ANAPC11: variants seen among roughly 807,000 people sequenced by gnomAD.
The protein encoded by ANAPC11 is anaphase promoting complex subunit 11.
Under a neutral mutation model 11.8 loss-of-function variants are expected in ANAPC11, and 5 were observed. The observed-to-expected ratio is 0.42, with a 90% CI of 0.22 to 0.89. The LOEUF is 0.89. Among genes scored for constraint, ANAPC11 ranks in the 40% least tolerant of loss-of-function variants. ANAPC11 has a pLI of 0.28. For missense variants in ANAPC11, 68 were observed against 112.9 expected, an observed-to-expected ratio of 0.60 and a Z score of 1.80; for synonymous variants, 45 against 41.0, an observed-to-expected ratio of 1.10 and a Z score of -0.38.
chr17:81,893,383 C>T (rs573264693), intron 1 of ANAPC11, among the ~76,000 whole-genome samples, 169 bp from the exon 2 acceptor site: 6 of 152,066 alleles, frequency 3.9e-5, no homozygotes, highest in Middle Eastern at 3.4e-3. Context: ...TGAGCCACTA[C>T]GCCTGGCCTC....
rs745307729 is a variant in ANAPC11 at position 81,894,602 on chromosome 17, A to G, written c.109+16A>G. The G allele has an allele frequency of 1.3e-5, 21 of 1,574,042 alleles. No homozygotes were observed. In the African/African-American group the frequency reaches 2.3e-4, roughly 17 times the overall value. On this transcript the variant is annotated intron_variant, in intron 3 of 3. Coordinates refer to ENST00000344877, the MANE Select transcript of ANAPC11 (RefSeq NM_001002248.3). ...TGCCCTGACTGTGAGTGTCCCCTCC[A>G]TGCTGTCTGAGCGGCCCCGACTGTG...
chr17:81,891,646 C>A (rs1335907743), upstream of ANAPC11: 7 of 1,292,720 alleles, frequency 5.4e-6, no homozygotes, highest in African/African-American at 6.4e-5. Flanking sequence ...CCTTCCGGTG[C>A]CACGGCCTCG....
At chr17:81,893,978 T>TA (rs1416913732) in intron 2 of ANAPC11, among the ~76,000 whole-genome samples, 1 of 151,790 alleles carries the variant, frequency 6.6e-6, no homozygotes, top group East Asian at 1.9e-4. Flanking sequence ...TTATTTGTTT[T>TA]AATAGAAACG....
chr17:81,900,417 C>T (rs181730346), downstream of ANAPC11: 7 of 335,862 alleles, frequency 2.1e-5, no homozygotes, highest in African/African-American at 4.4e-5. Flanking sequence ...ACGGTAGAGC[C>T]TGGGGCATGC....
intron 3 of ANAPC11, chr17:81,894,947 A>C (rs1598298967): frequency 4.9e-6 from 1 of 204,194 alleles, no homozygotes; most frequent in Non-Finnish European, 9.6e-6. Flanking sequence ...TGAACTCCTG[A>C]CCTCAGGTGA....
At chr17:81,894,287 G>A in intron 2 of ANAPC11, 180 bp from the exon 3 acceptor site, 4 of 396,498 alleles carry the variant, frequency 1.0e-5, no homozygotes, top group South Asian at 1.2e-4. Flanking sequence ...AAATAAAATA[G>A]AAACAGGGCT....
chr17:81,891,445 C>A, upstream of ANAPC11: 1 of 1,022,114 alleles, frequency 9.8e-7, no homozygotes, highest in South Asian at 4.4e-5. Context: ...GCCCCACCGC[C>A]GCGGCCGCCC....
chr17:81,900,227 T>C lies in ANAPC11; in HGVS notation c.*162T>C. The C allele has an allele frequency of 1.7e-6, 2 of 1,158,772 alleles. No individual in the cohort carries two copies. Among genetic ancestry groups the C allele is most frequent in the Non-Finnish European group, 2.4e-6 (2 of 829,378 alleles). 71.8% of individuals were successfully genotyped at this position (1,158,772 alleles called of 1,614,324 possible). Reference sequence around the variant, plus strand: ...TATGTTGACACTTTTATCCAATAAGTGAAAACTCATTAAACTACTCAAATC... The same window carrying C: ...TATGTTGACACTTTTATCCAATAAGCGAAAACTCATTAAACTACTCAAATC... On this transcript the variant is annotated 3_prime_UTR_variant, in exon 4 of 4. Transcript: ENST00000344877.
intron 3 of ANAPC11, chr17:81,899,594 G>A (rs942367381): frequency 6.4e-7 from 1 of 1,570,196 alleles, no homozygotes; most frequent in East Asian, 2.3e-5. Context: ...CACAGGGTGG[G>A]CTAGGCCAGA....
At chr17:81,898,970 T>C in intron 3 of ANAPC11, 1 of 537,368 alleles carries the variant, frequency 1.9e-6, no homozygotes, top group Non-Finnish European at 3.3e-6. Flanking sequence ...AGGGCCGATA[T>C]CAAGCAGAGT....
chr17:81,899,871 T>C (rs564392840), intron 3 of ANAPC11, 49 bp from the exon 4 acceptor site: 2 of 1,569,634 alleles, frequency 1.3e-6, no homozygotes, highest in African/African-American at 1.3e-5. Flanking sequence ...TCACATGCTC[T>C]GTGTCCAGCC....
chr17:81,891,890 C>T (rs1407038308), intron 1 of ANAPC11, 49 bp downstream of exon 1: 3 of 184,798 alleles, frequency 1.6e-5, no homozygotes, highest in African/African-American at 2.4e-5. Context: ...GGTGGGGCGG[C>T]GGCCGTTGGA....
chr17:81,898,620 C>G (rs904645150), intron 3 of ANAPC11: 1 of 152,498 alleles, frequency 6.6e-6, no homozygotes, highest in Non-Finnish European at 1.5e-5. Context: ...AATTGAACTC[C>G]TGTGAAAAAT....
intron 3 of ANAPC11, among the ~76,000 whole-genome samples, chr17:81,895,903 G>A (rs963156380): frequency 6.6e-6 from 1 of 152,128 alleles, no homozygotes; most frequent in Non-Finnish European, 1.5e-5. Flanking sequence ...GGAGACGGGG[G>A]TTGCAGTGAG....
upstream of ANAPC11, chr17:81,891,448 G>A (rs1413455187): frequency 2.9e-6 from 3 of 1,023,336 alleles, no homozygotes; most frequent in African/African-American, 3.5e-5. Context: ...CCACCGCCGC[G>A]GCCGCCCTGG....
chr17:81,898,309 C>T (rs1167472444), intron 3 of ANAPC11: 1 of 152,192 alleles, frequency 6.6e-6, no homozygotes, highest in Non-Finnish European at 1.5e-5. Context: ...GCTAGGTAGC[C>T]CCCAAGTGAC....
chr17:81,891,063 T>C, upstream of ANAPC11: 1 of 680,952 alleles, frequency 1.5e-6, no homozygotes, highest in South Asian at 2.0e-5. Context: ...CAGCGTCCCC[T>C]CCTCTCCTGC....
At position 81,899,932 on chromosome 17, in the gene ANAPC11, G is replaced by T; in HGVS notation, c.122G>T (p.Gly41Val). ...NGCCPDCKVP[G>V]DDCPLVWGQC... ...CTCCCCTCCGTAGGCAAGGTGCCCG[G>T]CGACGACTGCCCGCTGGTGTGGGGC... Residue 41 changes from glycine to valine, a missense_variant, in exon 4 of 4, where the codon GGC becomes GTC. By Grantham distance (109) the Gly-to-Val change is moderately radical (BLOSUM62 -3). Transcript: ENST00000344877. The T allele has an allele frequency of 2.5e-6, 4 of 1,609,186 alleles. No homozygotes were observed. Among genetic ancestry groups the T allele is most frequent in the Non-Finnish European group, 3.4e-6 (4 of 1,176,838 alleles).
chr17:81,898,053 G>A (rs959118319), intron 3 of ANAPC11: 5 of 152,218 alleles, frequency 3.3e-5, no homozygotes, highest in African/African-American at 7.2e-5. Flanking sequence ...GACTCTACCT[G>A]ATTGGATTTG....
Sources: allele counts gnomAD v4.1 joint callset (sites outside exome capture counted in the v4.1 genomes callset), GRCh38; gene constraint gnomAD v4.1.1; transcripts MANE v1.5; gene names NCBI Gene and HGNC (gene_info 2026-07-23, HGNC 2026-07-21).